FHIT: variants seen among roughly 807,000 people sequenced by gnomAD.
The protein encoded by FHIT is fragile histidine triad diadenosine triphosphatase, also known as bis(5'-adenosyl)-triphosphatase.
In FHIT, 19 loss-of-function variants were observed where a neutral mutation model predicts 17.9. That is an observed-to-expected ratio of 1.06 (90% CI 0.74 to 1.56). FHIT has a LOEUF of 1.56. FHIT is among the 40% of genes most tolerant of loss of function. The pLI, the probability that FHIT is intolerant of heterozygous loss-of-function variation, is 0.00. For synonymous variants in FHIT, 81 were observed against 69.7 expected, an observed-to-expected ratio of 1.16 and a Z score of -0.81; for missense variants, 248 against 189.2, an observed-to-expected ratio of 1.31 and a Z score of -1.82.
At chr3:60,500,596 C>T (rs983571995) in intron 5 of FHIT, among the ~76,000 whole-genome samples, 2 of 149,244 alleles carry the variant, frequency 1.3e-5, no homozygotes, top group African/African-American at 2.5e-5. Context: ...ATGGTAAAAC[C>T]CCATCTCTAC....
At chr3:60,346,581 G>A (rs754851031) in intron 5 of FHIT, among the ~76,000 whole-genome samples, 3 of 152,162 alleles carry the variant, frequency 2.0e-5, no homozygotes, top group African/African-American at 4.8e-5. Context: ...GCTTTGCTGA[G>A]AGTTTGTTTT....
intron 7 of FHIT, among the ~76,000 whole-genome samples, chr3:59,934,180 C>G (rs542838126): frequency 1.3e-5 from 2 of 152,232 alleles, no homozygotes; most frequent in African/African-American, 4.8e-5. Flanking sequence ...TGTAAGATCT[C>G]AATTATTTAT....
chr3:60,754,062 A>G (rs564887953), intron 4 of FHIT, among the ~76,000 whole-genome samples: 2 of 152,330 alleles, frequency 1.3e-5, no homozygotes, highest in South Asian at 4.1e-4. Context: ...ATTTAACAAA[A>G]ATAAATCCTT....
At chr3:59,805,206 G>A (rs546593734) in intron 8 of FHIT, among the ~76,000 whole-genome samples, 8 of 152,282 alleles carry the variant, frequency 5.3e-5, no homozygotes, top group Admixed American at 2.6e-4. Context: ...AGAGATAAAG[G>A]TCAGTCAAGC....
intron 5 of FHIT, among the ~76,000 whole-genome samples, chr3:60,477,122 CA>C (rs1483886652): frequency 6.6e-6 from 1 of 151,872 alleles, no homozygotes; most frequent in Non-Finnish European, 1.5e-5. Flanking sequence ...CAAAAATAAG[CA>C]ATGAATTAAA....
chr3:60,563,545 C>A (rs181856017), intron 4 of FHIT, among the ~76,000 whole-genome samples: 1 of 152,168 alleles, frequency 6.6e-6, no homozygotes, highest in Non-Finnish European at 1.5e-5. Flanking sequence ...GCCAAACAGC[C>A]ACGCTGTGAA....
intron 8 of FHIT, among the ~76,000 whole-genome samples, chr3:59,887,805 A>C (rs1466883259): frequency 6.6e-6 from 1 of 152,206 alleles, no homozygotes; most frequent in Admixed American, 6.5e-5. Context: ...CTAACTCAGC[A>C]AGGGACAGCG....
At chr3:61,220,590 T>C (rs760917451) in intron 1 of FHIT, among the ~76,000 whole-genome samples, 2 of 152,194 alleles carry the variant, frequency 1.3e-5, no homozygotes, top group Non-Finnish European at 2.9e-5. Context: ...ATTGTTAAAA[T>C]GTAGGTGAAA....
At chr3:60,956,620 T>G (rs1467836206) in intron 3 of FHIT, among the ~76,000 whole-genome samples, 1 of 152,200 alleles carries the variant, frequency 6.6e-6, no homozygotes, top group Non-Finnish European at 1.5e-5. Context: ...AAAATCTGTC[T>G]ACACCGGGTT....
At chr3:60,216,467 A>T (rs941035288) in intron 5 of FHIT, among the ~76,000 whole-genome samples, 9 of 152,162 alleles carry the variant, frequency 5.9e-5, no homozygotes, top group Non-Finnish European at 1.3e-4. Context: ...GTGACAGGTC[A>T]TGTTCTATTT....
chr3:59,936,000 G>C (rs979285667), intron 7 of FHIT, among the ~76,000 whole-genome samples: 1 of 152,100 alleles, frequency 6.6e-6, no homozygotes, highest in Non-Finnish European at 1.5e-5. Flanking sequence ...TAAGTTTGAA[G>C]TTCTTGTGTT....
chr3:60,288,437 T>A (rs2106641289), intron 5 of FHIT, among the ~76,000 whole-genome samples: 1 of 152,280 alleles, frequency 6.6e-6, no homozygotes, highest in East Asian at 1.9e-4. Context: ...ATGAGAATAA[T>A]AATGACTTCT....
intron 8 of FHIT, among the ~76,000 whole-genome samples, chr3:59,905,491 G>A (rs1290259792): frequency 6.6e-6 from 1 of 152,170 alleles, no homozygotes; most frequent in Non-Finnish European, 1.5e-5. Flanking sequence ...ACCTAACCTA[G>A]TGCCTCTCAC....
intron 2 of FHIT, among the ~76,000 whole-genome samples, chr3:61,118,347 G>A (rs748377066): frequency 5.3e-5 from 8 of 152,068 alleles, no homozygotes; most frequent in South Asian, 4.1e-4. Flanking sequence ...GACACTACCC[G>A]CAGTCTGAGA....
intron 8 of FHIT, among the ~76,000 whole-genome samples, chr3:59,869,652 T>C (rs1702829719): frequency 6.6e-6 from 1 of 150,936 alleles, no homozygotes. Flanking sequence ...CAGCTAATTT[T>C]TTTTTTTTTT....
intron 5 of FHIT, among the ~76,000 whole-genome samples, chr3:60,534,817 C>G (rs892078051): frequency 2.0e-5 from 3 of 152,130 alleles, no homozygotes; most frequent in Admixed American, 6.5e-5. Flanking sequence ...TACAAAGAAA[C>G]GAGTTGTCAT....
At position 60,567,191 on chromosome 3, in the gene FHIT, G is replaced by C. The variant is rs6777715; in HGVS notation, c.-17-30212C>G. ...AAAAGAACAAAGCTGGAGGCATCAC[G>C]CTACCTGACTTCGAACTATACTACA... is the stretch of plus-strand genomic sequence containing the variant. On this transcript the variant is annotated intron_variant, in intron 4 of 9. Coordinates refer to ENST00000492590, the MANE Select transcript of FHIT (RefSeq NM_002012.4). Among the ~76,000 whole-genome samples the C allele has an allele frequency of 1.3e-3, 190 of 148,158 alleles. 1 individual carries two copies. The highest frequency in any genetic ancestry group is 4.7e-3 in the African/African-American group (185 of 39,766).
At chr3:60,577,511 G>A (rs1331609570) in intron 4 of FHIT, among the ~76,000 whole-genome samples, 9 of 152,116 alleles carry the variant, frequency 5.9e-5, no homozygotes, top group African/African-American at 1.7e-4. Context: ...ACCTCTTAAC[G>A]AAAACGTAGT....
At chr3:60,368,851 T>C (rs1175300500) in intron 5 of FHIT, among the ~76,000 whole-genome samples, 1 of 152,178 alleles carries the variant, frequency 6.6e-6, no homozygotes, top group Non-Finnish European at 1.5e-5. Context: ...TTTTTCTTAG[T>C]CTTTTTTTTC....
Sources: gnomAD v4.1 joint callset for allele counts (sites outside exome capture counted in the v4.1 genomes callset) on GRCh38, gnomAD v4.1.1 for gene constraint, MANE v1.5 for transcripts, NCBI Gene and HGNC (gene_info 2026-07-23, HGNC 2026-07-21) for gene names.